The following AK5 variants were observed in gnomAD, a reference collection of about 807,000 sequenced individuals.
AK5 encodes adenylate kinase 5.
In AK5, 27 loss-of-function variants were observed where a neutral mutation model predicts 69.5. The observed-to-expected ratio is 0.39, with a 90% confidence interval of 0.29 to 0.54. The LOEUF (loss-of-function observed/expected upper bound fraction) is 0.54, where lower values mean the gene tolerates loss of function less well. Ranked by LOEUF, AK5 falls within the 20% of genes least tolerant of loss-of-function variation. The pLI, the probability that AK5 is intolerant of heterozygous loss-of-function variation, is 0.71. For synonymous variants in AK5, 260 were observed against 244.4 expected (o/e 1.06, Z -0.60); for missense variants, 531 against 700.4 (o/e 0.76, Z 2.73).
chr1:77,310,583 G>T (rs765906631), intron 5 of AK5, among the ~76,000 whole-genome samples: 2 of 151,862 alleles, frequency 1.3e-5, no homozygotes, highest in Admixed American at 6.6e-5. Flanking sequence ...GGGTTTCACC[G>T]TGTTAGCCAG....
At position 77,520,075 on chromosome 1, in the gene AK5, C is replaced by T. The variant is rs139788841; in HGVS notation, c.1311+1348C>T. ...AAAATTAGCTGGGCATGGTGGCGGG[C>T]ACCTGTAATCCCAGCTACCTGGAAG... is the stretch of plus-strand genomic sequence containing the variant. On this transcript the variant is annotated intron_variant, in intron 11 of 13. Coordinates refer to ENST00000354567, the MANE Select transcript of AK5 (RefSeq NM_174858.3). 1.9e-3 allele frequency among the ~76,000 whole-genome samples: 283 copies of T among 151,940 alleles called. 1 individual carries two copies. The highest frequency in any genetic ancestry group is 6.3e-3 in the African/African-American group (260 of 41,454).
chr1:77,512,174 G>A (rs984801441), intron 10 of AK5, among the ~76,000 whole-genome samples: 2 of 152,084 alleles, frequency 1.3e-5, no homozygotes, highest in African/African-American at 4.8e-5. Context: ...GAAAATAAAC[G>A]TTGAGTTCTA....
chr1:77,387,084 G>A (rs916283684), intron 6 of AK5, among the ~76,000 whole-genome samples: 1 of 151,976 alleles, frequency 6.6e-6, no homozygotes, highest in Non-Finnish European at 1.5e-5. Flanking sequence ...TTCTTTGTCC[G>A]TTCATCTGTT....
At chr1:77,321,875 A>G (rs1015467261) in intron 5 of AK5, among the ~76,000 whole-genome samples, 1 of 152,210 alleles carries the variant, frequency 6.6e-6, no homozygotes, top group African/African-American at 2.4e-5. Context: ...GATTGTTTAC[A>G]AAGAAAATCC....
intron 8 of AK5, among the ~76,000 whole-genome samples, chr1:77,445,118 G>A (rs573159559): frequency 1.6e-4 from 25 of 152,230 alleles, no homozygotes; most frequent in African/African-American, 4.8e-4. Context: ...ATCTTTATGC[G>A]GTGGTGATTA....
intron 13 of AK5, among the ~76,000 whole-genome samples, chr1:77,545,852 T>A (rs1229392257): frequency 6.6e-6 from 1 of 152,188 alleles, no homozygotes; most frequent in African/African-American, 2.4e-5. Context: ...TCCCTCCTGC[T>A]GGTGCAGTGA....
chr1:77,410,915 A>G lies in AK5; in HGVS notation c.892-66A>G, dbSNP rs1393659386. Reference sequence around the variant, plus strand: ...TACAGTTGTGTGATGGATGCTCATTATATTTTTGAATTAACTAATTTGTGT... The same window carrying G: ...TACAGTTGTGTGATGGATGCTCATTGTATTTTTGAATTAACTAATTTGTGT... On this transcript the variant is annotated intron_variant, in intron 6 of 13. Transcript: ENST00000354567. The G allele has an allele frequency of 3.2e-6, 4 of 1,247,210 alleles. No homozygotes were observed. In the African/African-American group the frequency reaches 4.4e-5, roughly 14 times the overall value. The allele number at this position is 1,247,210 out of a possible 1,614,324, so 77.3% of individuals were successfully genotyped here. A position where few individuals can be genotyped will look rare whatever the true frequency, so the allele number is the denominator to read the frequency against.
At chr1:77,495,792 C>G (rs1305827517) in intron 10 of AK5, among the ~76,000 whole-genome samples, 1 of 151,796 alleles carries the variant, frequency 6.6e-6, no homozygotes, top group Non-Finnish European at 1.5e-5. Context: ...AAACAGTGGC[C>G]TAGTATGGAG....
intron 6 of AK5, among the ~76,000 whole-genome samples, chr1:77,359,375 A>G (rs985037033): frequency 6.6e-6 from 1 of 152,206 alleles, no homozygotes; most frequent in African/African-American, 2.4e-5. Context: ...CATAATTAAC[A>G]TGTTACTATG....
chr1:77,331,035 T>C (rs888115527), intron 5 of AK5, among the ~76,000 whole-genome samples: 1 of 152,048 alleles, frequency 6.6e-6, no homozygotes, highest in Admixed American at 6.5e-5. Context: ...ATTAGCCTTA[T>C]GCTAATATAC....
chr1:77,302,593 T>G (rs1194260183), intron 5 of AK5, among the ~76,000 whole-genome samples: 1 of 152,106 alleles, frequency 6.6e-6, no homozygotes. Context: ...AGGTGCCCTG[T>G]TTTTTGGTGG....
intron 8 of AK5, among the ~76,000 whole-genome samples, chr1:77,460,442 A>C (rs1653762724): frequency 6.6e-6 from 1 of 152,242 alleles, no homozygotes; most frequent in African/African-American, 2.4e-5. Context: ...TTGTTTGTTC[A>C]TAGACTTTGG....
intron 10 of AK5, among the ~76,000 whole-genome samples, chr1:77,487,955 C>T (rs1237952267): frequency 6.6e-6 from 1 of 152,178 alleles, no homozygotes; most frequent in African/African-American, 2.4e-5. Context: ...AACCAAAGAG[C>T]TGAAATAGGG....
chr1:77,517,871 A>T (rs1657758048), intron 10 of AK5, among the ~76,000 whole-genome samples: 1 of 152,212 alleles, frequency 6.6e-6, no homozygotes, highest in Admixed American at 6.5e-5. Flanking sequence ...TTCAGAGGAC[A>T]TTATTGAGTC....
At chr1:77,486,634 C>T (rs993740091) in intron 10 of AK5, among the ~76,000 whole-genome samples, 4 of 150,620 alleles carry the variant, frequency 2.7e-5, no homozygotes, top group African/African-American at 9.8e-5. Flanking sequence ...GGAGGCAGAG[C>T]TTGCAGTGAG....
intron 10 of AK5, among the ~76,000 whole-genome samples, chr1:77,514,676 A>G (rs1657539444): frequency 6.6e-6 from 1 of 152,262 alleles, no homozygotes; most frequent in Non-Finnish European, 1.5e-5. Flanking sequence ...TAACTGGGGC[A>G]GCGGCTGCTG....
intron 12 of AK5, among the ~76,000 whole-genome samples, chr1:77,531,854 T>TG (rs1014498472): frequency 3.4e-4 from 6 of 17,476 alleles, no homozygotes; most frequent in African/African-American, 7.2e-4. Context: ...CAGGGGGAGG[T>TG]GGGGGGGAAG....
intron 6 of AK5, among the ~76,000 whole-genome samples, chr1:77,406,975 T>C (rs1216982069): frequency 6.6e-6 from 1 of 151,024 alleles, no homozygotes; most frequent in Non-Finnish European, 1.5e-5. Flanking sequence ...TTTATAGAAA[T>C]ACAAAAATAT....
At chr1:77,309,009 T>C (rs1271324282) in intron 5 of AK5, among the ~76,000 whole-genome samples, 1 of 147,216 alleles carries the variant, frequency 6.8e-6, no homozygotes, top group Non-Finnish European at 1.5e-5. Context: ...TTCTCACTTA[T>C]AAGTGGGAGC....
Sources: allele counts gnomAD v4.1 joint callset (sites outside exome capture counted in the v4.1 genomes callset), GRCh38; gene constraint gnomAD v4.1.1; transcripts MANE v1.5; gene names NCBI Gene and HGNC (gene_info 2026-07-23, HGNC 2026-07-21).